The following NAV1 variants were observed in gnomAD, a reference collection of about 807,000 sequenced individuals.
NAV1 encodes the protein pore membrane and/or filament interacting like protein 3.
In NAV1, 18 loss-of-function variants were observed where a neutral mutation model predicts 175.2. The observed-to-expected ratio is 0.10, with a 90% CI of 0.07 to 0.15. The LOEUF is 0.15. Ranked by LOEUF, NAV1 falls within the 10% of genes least tolerant of loss-of-function variation. The pLI is 1.00. For synonymous variants in NAV1, 897 were observed against 978.7 expected, an observed-to-expected ratio of 0.92 and a Z score of 1.56; for missense variants, 1,731 against 2,436.6, an observed-to-expected ratio of 0.71 and a Z score of 6.10.
intron 3 of NAV1, among the ~76,000 whole-genome samples, chr1:201,721,072 T>A (rs12058357): frequency 0.16 from 23,625 of 151,930 alleles, 2,239 homozygotes; most frequent in East Asian, 0.36. Flanking sequence ...ATCCATTTTT[T>A]AAAAATTAGA....
intron 8 of NAV1, among the ~76,000 whole-genome samples, chr1:201,786,092 C>T (rs74136673): frequency 0.028 from 4,303 of 152,160 alleles, 216 homozygotes; most frequent in African/African-American, 0.099. Context: ...TGTGCCTGAC[C>T]GACTCTTGCA....
At chr1:201,794,507 G>C in exon 15 of NAV1, 3 of 1,613,834 alleles carry the variant, frequency 1.9e-6, no homozygotes, top group Non-Finnish European at 2.5e-6. Flanking sequence ...TAGACTTTCT[G>C]AAGAAAAAGA....
intron 1 of NAV1, among the ~76,000 whole-genome samples, chr1:201,542,439 T>C (rs1259983940): frequency 6.6e-6 from 1 of 152,204 alleles, no homozygotes; most frequent in East Asian, 1.9e-4. Context: ...AAAACACTTT[T>C]AGTTCCTTCT....
intron 3 of NAV1, among the ~76,000 whole-genome samples, chr1:201,770,918 T>C (rs1418269207): frequency 6.6e-6 from 1 of 152,064 alleles, no homozygotes; most frequent in Non-Finnish European, 1.5e-5. Context: ...ACAGCAGCAG[T>C]ACAGTACAGT....
chr1:201,580,400 C>T (rs1453146394), intron 1 of NAV1, among the ~76,000 whole-genome samples: 1 of 152,222 alleles, frequency 6.6e-6, no homozygotes, highest in Non-Finnish European at 1.5e-5. Context: ...CCCATAAAGA[C>T]AAATAAAATT....
exon 1 of NAV1, chr1:201,648,921 C>G: frequency 6.2e-7 from 1 of 1,612,916 alleles, no homozygotes; most frequent in Non-Finnish European, 8.5e-7. Flanking sequence ...CGCCTCCAAC[C>G]TGCGCAAGCA....
intron 1 of NAV1, among the ~76,000 whole-genome samples, chr1:201,577,132 G>A (rs1250800104): frequency 1.3e-5 from 2 of 152,174 alleles, no homozygotes; most frequent in Non-Finnish European, 2.9e-5. Context: ...GATTACAGGA[G>A]TGAACCACTA....
intron 10 of NAV1, 73 bp from the exon 15 acceptor site, chr1:201,789,667 C>T: frequency 1.4e-6 from 2 of 1,379,490 alleles, no homozygotes; most frequent in Admixed American, 3.4e-5. Context: ...AAACTCCTGC[C>T]TTAGGGAGTC....
At chr1:201,609,133 C>T (rs950726583) in intron 2 of NAV1, among the ~76,000 whole-genome samples, 1 of 152,326 alleles carries the variant, frequency 6.6e-6, no homozygotes, top group Non-Finnish European at 1.5e-5. Flanking sequence ...GACTCCTGGG[C>T]TGCATGTGAC....
intron 3 of NAV1, among the ~76,000 whole-genome samples, chr1:201,738,925 A>G (rs1673232008): frequency 6.6e-6 from 1 of 152,192 alleles, no homozygotes; most frequent in Non-Finnish European, 1.5e-5. Flanking sequence ...ATTGGGACCC[A>G]ACCATAGACA....
At chr1:201,649,163 G>C (rs779799054) in exon 1 of NAV1, 8 of 1,611,910 alleles carry the variant, frequency 5.0e-6, no homozygotes, top group Middle Eastern at 1.7e-4. Flanking sequence ...CTCCGCTCGC[G>C]CCCAACCTGG....
At chr1:201,569,823 A>G (rs1269416778) in intron 1 of NAV1, among the ~76,000 whole-genome samples, 1 of 152,194 alleles carries the variant, frequency 6.6e-6, no homozygotes, top group Non-Finnish European at 1.5e-5. Context: ...CTAAGGCCAC[A>G]GAGGAGTGGG....
chr1:201,736,851 G>A (rs1049501903), intron 3 of NAV1, among the ~76,000 whole-genome samples: 1 of 151,940 alleles, frequency 6.6e-6, no homozygotes, highest in African/African-American at 2.4e-5. Flanking sequence ...TTTCTTTCTG[G>A]ACAAGTGCCT....
rs1671371878 is a variant in NAV1, at chr1:201,700,566, C to A, written c.758-12251C>A. On this transcript the variant is annotated intron_variant, in intron 1 of 29. Coordinates refer to ENST00000367296, the Ensembl canonical transcript of NAV1. Reference sequence around the variant, plus strand: ...TCTAGAACGAGAAATACCATTTGACCCAGCGATTCCATTACTAAGTATATA... The same window carrying A: ...TCTAGAACGAGAAATACCATTTGACACAGCGATTCCATTACTAAGTATATA... 6.6e-5 allele frequency among the ~76,000 whole-genome samples: 10 copies of A among 152,204 alleles called. No homozygotes were observed. The South Asian group carries it at 2.1e-3, about 32-fold the overall frequency.
At chr1:201,568,206 A>G (rs10800788) in intron 1 of NAV1, among the ~76,000 whole-genome samples, 49,007 of 151,966 alleles carry the variant, frequency 0.32, 8,192 homozygotes, top group South Asian at 0.44. Context: ...TTGGTGATGG[A>G]CTGGCATCAG....
At chr1:201,649,624 C>T (rs2819378) in intron 1 of NAV1, among the ~76,000 whole-genome samples, 199 bp downstream of exon 5, 6,886 of 152,238 alleles carry the variant, frequency 0.045, 483 homozygotes, top group African/African-American at 0.15. Flanking sequence ...AGTGTACCTT[C>T]TTAAAGACAT....
chr1:201,717,250 T>C (rs1315326217), intron 2 of NAV1, among the ~76,000 whole-genome samples: 1 of 152,238 alleles, frequency 6.6e-6, no homozygotes, highest in African/African-American at 2.4e-5. Flanking sequence ...AGAGCAGTGA[T>C]TGCTTGGGCT....
At chr1:201,708,577 G>A (rs916315350) in intron 1 of NAV1, among the ~76,000 whole-genome samples, 7 of 152,192 alleles carry the variant, frequency 4.6e-5, no homozygotes, top group African/African-American at 1.7e-4. Flanking sequence ...GGTATCATGT[G>A]AAGGAGAACG....
chr1:201,574,864 C>T (rs566070364), intron 1 of NAV1, among the ~76,000 whole-genome samples: 28 of 152,194 alleles, frequency 1.8e-4, no homozygotes, highest in African/African-American at 6.8e-4. Context: ...TTGTTGCCCC[C>T]GCCACACATT....
Sources: gnomAD v4.1 joint callset for allele counts (sites outside exome capture counted in the v4.1 genomes callset) on GRCh38, gnomAD v4.1.1 for gene constraint, MANE v1.5 for transcripts, NCBI Gene and HGNC (gene_info 2026-07-23, HGNC 2026-07-21) for gene names.